The following RPS6KA6 variants were observed in gnomAD, a reference collection of about 807,000 sequenced individuals.
The protein encoded by RPS6KA6 is ribosomal protein S6 kinase alpha-6.
Under a neutral mutation model 65.4 loss-of-function variants are expected in RPS6KA6, and 27 were observed. The ratio of observed to expected loss-of-function variants is 0.41; its 90% CI spans 0.30 to 0.57. The LOEUF is 0.57. Ranked by LOEUF, RPS6KA6 falls within the 20% of genes least tolerant of loss-of-function variation. RPS6KA6 has a pLI of 0.24. For missense variants in RPS6KA6, 486 were observed against 555.6 expected (o/e 0.87, Z 1.26); for synonymous variants, 190 against 184.2 (o/e 1.03, Z -0.26).
chrX:84,070,860 C>T (rs746833253), intron 20 of RPS6KA6, among the ~76,000 whole-genome samples: 62 of 111,493 alleles, frequency 5.6e-4, no homozygotes, highest in Non-Finnish European at 8.3e-4. Context: ...ATTTCTTCTT[C>T]TGGTCAAGAT....
At chrX:84,169,250 T>C (rs1251637142) in intron 1 of RPS6KA6, among the ~76,000 whole-genome samples, 1 of 111,348 alleles carries the variant, frequency 9.0e-6, no homozygotes, top group Non-Finnish European at 1.9e-5. Context: ...TAAAAATTCT[T>C]TTCACATTTT....
chrX:84,066,050 G>GT (rs2033394067), intron 20 of RPS6KA6, among the ~76,000 whole-genome samples: 1 of 111,268 alleles, frequency 9.0e-6, no homozygotes, highest in Non-Finnish European at 1.9e-5. Flanking sequence ...AAGCAAAGCT[G>GT]TGAGGGACTG....
chrX:84,145,397 AAATGTAATTAGC>A (rs896139461), intron 6 of RPS6KA6, 69 bp downstream of exon 6: 10 of 604,267 alleles, frequency 1.7e-5, no homozygotes, highest in Non-Finnish European at 2.1e-5. Flanking sequence ...TCAATAGGAA[AAATGTAATTAGC>A]AGAAGAACAA....
chrX:84,078,520 A>T (rs1165463001), intron 20 of RPS6KA6, among the ~76,000 whole-genome samples: 1 of 112,099 alleles, frequency 8.9e-6, no homozygotes, highest in African/African-American at 3.2e-5. Flanking sequence ...TTGGTTAACA[A>T]CACAAAACAA....
intron 9 of RPS6KA6, among the ~76,000 whole-genome samples, chrX:84,119,389 TAGTC>T (rs760017269): frequency 8.9e-6 from 1 of 111,855 alleles, no homozygotes; most frequent in South Asian, 3.7e-4. Context: ...CATACCAAAT[TAGTC>T]AGTCTGTATT....
chrX:84,179,584 A>AT, intron 1 of RPS6KA6, among the ~76,000 whole-genome samples: 1 of 111,933 alleles, frequency 8.9e-6, no homozygotes, highest in Non-Finnish European at 1.9e-5. Context: ...ATAGATATGA[A>AT]GTTGCTGAAT....
At chrX:84,143,275 T>C (rs1044837041) in intron 6 of RPS6KA6, among the ~76,000 whole-genome samples, 6 of 111,233 alleles carry the variant, frequency 5.4e-5, no homozygotes, top group Non-Finnish European at 1.1e-4. Context: ...TGATTTTTTA[T>C]AAAACTCTCA....
At chrX:84,088,666 T>C (rs767553499) in intron 20 of RPS6KA6, among the ~76,000 whole-genome samples, 10 of 112,027 alleles carry the variant, frequency 8.9e-5, no homozygotes, top group African/African-American at 1.9e-4. Context: ...GTGTGCTGCA[T>C]TGGGGGAACC....
chrX:84,070,588 G>A (rs913270543), intron 20 of RPS6KA6, among the ~76,000 whole-genome samples: 3 of 110,724 alleles, frequency 2.7e-5, no homozygotes, highest in Non-Finnish European at 5.7e-5. Flanking sequence ...TTCTAATATA[G>A]AAACAAAATC....
At chrX:84,130,451 CACTT>C (rs1266860040) in intron 8 of RPS6KA6, among the ~76,000 whole-genome samples, 3 of 111,745 alleles carry the variant, frequency 2.7e-5, no homozygotes, top group Non-Finnish European at 5.7e-5. Context: ...GAAGTTTTCT[CACTT>C]AGTTAAATAT....
intron 1 of RPS6KA6, among the ~76,000 whole-genome samples, chrX:84,172,185 G>A (rs1035389084): frequency 8.9e-6 from 1 of 111,792 alleles, no homozygotes; most frequent in African/African-American, 3.3e-5. Flanking sequence ...GCAATAAATA[G>A]GGCTGCAATA....
intron 8 of RPS6KA6, among the ~76,000 whole-genome samples, chrX:84,120,635 A>G (rs965781610): frequency 1.8e-5 from 2 of 111,576 alleles, no homozygotes; most frequent in Non-Finnish European, 3.8e-5. Context: ...TGAAAACTGG[A>G]AACACTGATG....
chrX:84,174,091 G>GT (rs1207693671), intron 1 of RPS6KA6, among the ~76,000 whole-genome samples: 46 of 111,617 alleles, frequency 4.1e-4, no homozygotes, highest in Non-Finnish European at 6.4e-4. Flanking sequence ...TAGTTGGTTT[G>GT]TTTTTTTGGA....
In RPS6KA6 at chrX:84,104,440, T is replaced by C. The variant is rs774971913; in HGVS notation, c.1614+59A>G. The C allele has an allele frequency of 1.1e-4, 89 of 810,210 alleles. 1 individual carries two copies. The African/African-American group carries it at 1.8e-3, about 17-fold the overall frequency. 66.8% of individuals were successfully genotyped at this position (810,210 alleles called of 1,213,427 possible). A position where few individuals can be genotyped will look rare whatever the true frequency, so the allele number is the denominator to read the frequency against. Reference sequence around the variant, plus strand: ...ACTTATTTTAGGTGGCATCATCTCCTATATTTTCATGAAGATATAGGTCCC... The same window carrying C: ...ACTTATTTTAGGTGGCATCATCTCCCATATTTTCATGAAGATATAGGTCCC... On this transcript the variant is annotated intron_variant, in intron 17 of 21. Transcript: ENST00000262752.
rs1392000316 is a variant in RPS6KA6 at position 84,062,054 on chromosome X, C to T, written c.*2223G>A. On this transcript the variant is annotated 3_prime_UTR_variant, in exon 22 of 22. Transcript: ENST00000262752. ...CACTAGAAAACTCTCAAACAATTATCGGGTACATCCAGTAGCATACCTGTA... is the reference window on the plus strand; with the variant it reads ...CACTAGAAAACTCTCAAACAATTATTGGGTACATCCAGTAGCATACCTGTA... The T allele has an allele frequency of 2.7e-5, 3 of 111,398 alleles. No homozygotes were observed. Among genetic ancestry groups the T allele is most frequent in the East Asian group, 2.8e-4 (1 of 3,532 alleles). 9.2% of individuals were successfully genotyped at this position (111,398 alleles called of 1,213,427 possible).
chrX:84,152,588 TCC>T (rs1439809719), intron 3 of RPS6KA6, among the ~76,000 whole-genome samples: 28 of 111,480 alleles, frequency 2.5e-4, no homozygotes, highest in East Asian at 5.6e-4. Flanking sequence ...CACCTTATCT[TCC>T]CATATATGTA....
intron 12 of RPS6KA6, among the ~76,000 whole-genome samples, chrX:84,115,819 T>C (rs983011763): frequency 3.6e-5 from 4 of 111,573 alleles, no homozygotes; most frequent in Non-Finnish European, 5.7e-5. Context: ...TGGATGGAGG[T>C]GGAGATTATT....
chrX:84,105,677 G>A lies in RPS6KA6; in HGVS notation c.1455+110C>T, dbSNP rs1158238849. 22 of 391,123 alleles carry A rather than the reference G, an allele frequency of 5.6e-5. No individual in the cohort carries two copies. In the Admixed American group the frequency reaches 1.0e-3, roughly 18 times the overall value. 32.2% of individuals were successfully genotyped at this position (391,123 alleles called of 1,213,427 possible). On this transcript the variant is annotated intron_variant, in intron 16 of 21. Coordinates refer to ENST00000262752, the MANE Select transcript of RPS6KA6 (RefSeq NM_014496.5). ...GCAATTTAAGAGTCCTGAGATTTTT[G>A]AGGCATGAAAATAAATATGCTAAAG... is the stretch of plus-strand genomic sequence containing the variant.
intron 20 of RPS6KA6, among the ~76,000 whole-genome samples, chrX:84,093,912 G>T (rs2034098444): frequency 9.0e-6 from 1 of 111,286 alleles, no homozygotes; most frequent in South Asian, 3.8e-4. Flanking sequence ...GCTTAGGAGA[G>T]AACAATGTGG....
Sources: gnomAD v4.1 joint callset for allele counts (sites outside exome capture counted in the v4.1 genomes callset) on GRCh38, gnomAD v4.1.1 for gene constraint, MANE v1.5 for transcripts, NCBI Gene and HGNC (gene_info 2026-07-23, HGNC 2026-07-21) for gene names.